Variants in MAST4 observed in about 807,000 individuals in gnomAD.
The protein encoded by MAST4 is microtubule-associated serine/threonine-protein kinase 4.
Under a neutral mutation model 162.7 loss-of-function variants are expected in MAST4, and 89 were observed. The observed-to-expected ratio is 0.55, with a 90% CI of 0.46 to 0.65. MAST4 has a LOEUF of 0.65. Among genes scored for constraint, MAST4 ranks in the 30% least tolerant of loss-of-function variants. MAST4 has a pLI of 0.00. For missense variants in MAST4, 3,153 were observed against 3,374.0 expected, an observed-to-expected ratio of 0.93 and a Z score of 1.62; for synonymous variants, 1,479 against 1,361.1, an observed-to-expected ratio of 1.09 and a Z score of -1.91.
intron 1 of MAST4, among the ~76,000 whole-genome samples, chr5:66,714,576 T>TG (rs1380497736): frequency 6.6e-6 from 1 of 152,236 alleles, no homozygotes; most frequent in African/African-American, 2.4e-5. Context: ...TGCTCATACT[T>TG]GGCGTTTCCT....
At chr5:66,869,527 A>G (rs1040360259) in intron 3 of MAST4, among the ~76,000 whole-genome samples, 8 of 152,196 alleles carry the variant, frequency 5.3e-5, no homozygotes, top group African/African-American at 1.9e-4. Context: ...TTACTAGGAA[A>G]AACATAATCC....
chr5:66,916,445 A>G (rs1179191990), intron 4 of MAST4, among the ~76,000 whole-genome samples: 1 of 152,246 alleles, frequency 6.6e-6, no homozygotes, highest in Non-Finnish European at 1.5e-5. Flanking sequence ...GTATAGAAAT[A>G]CTACTGTACT....
At chr5:66,653,456 C>T (rs1040969611) in intron 1 of MAST4, among the ~76,000 whole-genome samples, 5 of 152,190 alleles carry the variant, frequency 3.3e-5, no homozygotes, top group Middle Eastern at 3.2e-3. Flanking sequence ...GCCAGCATGA[C>T]ATTGCCTACT....
chr5:66,946,375 G>A (rs1219071414), intron 4 of MAST4, among the ~76,000 whole-genome samples: 1 of 152,126 alleles, frequency 6.6e-6, no homozygotes, highest in African/African-American at 2.4e-5. Context: ...AGATATTGAT[G>A]TTTGCCTAAA....
At chr5:66,784,600 G>T (rs1197884629) in intron 2 of MAST4, among the ~76,000 whole-genome samples, 1 of 151,950 alleles carries the variant, frequency 6.6e-6, no homozygotes, top group African/African-American at 2.4e-5. Flanking sequence ...TTCTGAATTT[G>T]CTGTTTATCA....
At chr5:67,043,692 C>T (rs1459356895) in intron 4 of MAST4, among the ~76,000 whole-genome samples, 1 of 152,180 alleles carries the variant, frequency 6.6e-6, no homozygotes, top group Non-Finnish European at 1.5e-5. Context: ...AATATACTTA[C>T]ATTGAGTACA....
intron 3 of MAST4, among the ~76,000 whole-genome samples, chr5:66,827,557 AAG>A (rs1390356473): frequency 6.6e-6 from 1 of 152,256 alleles, no homozygotes; most frequent in Non-Finnish European, 1.5e-5. Context: ...GACAGACAGA[AAG>A]AGATGGAAAA....
intron 1 of MAST4, among the ~76,000 whole-genome samples, chr5:66,604,409 G>A (rs1314790819): frequency 1.3e-5 from 2 of 152,192 alleles, no homozygotes; most frequent in African/African-American, 4.8e-5. Context: ...GCTTTGTAAT[G>A]ATACTGGGGA....
intron 1 of MAST4, among the ~76,000 whole-genome samples, chr5:66,629,686 A>G (rs1303466743): frequency 5.3e-5 from 8 of 152,188 alleles, no homozygotes; most frequent in Non-Finnish European, 1.0e-4. Context: ...TCGTCTGCCC[A>G]TGGCCTCTGG....
chr5:67,068,531 G>T (rs1188967541), intron 5 of MAST4, among the ~76,000 whole-genome samples: 3 of 152,094 alleles, frequency 2.0e-5, no homozygotes, highest in Non-Finnish European at 4.4e-5. Flanking sequence ...TTTCCCCTGG[G>T]TCCCTCCCAC....
intron 4 of MAST4, among the ~76,000 whole-genome samples, chr5:66,967,059 AC>A (rs1481066016): frequency 5.3e-5 from 8 of 152,180 alleles, no homozygotes; most frequent in African/African-American, 1.9e-4. Context: ...TCATGCTGTT[AC>A]CACAGAAAAA....
rs1764426744 is a variant in MAST4 at position 66,920,004 on chromosome 5, A to G, written c.674+20022A>G. Among the ~76,000 whole-genome samples the G allele has an allele frequency of 2.1e-5, 3 of 142,984 alleles. No homozygotes were observed. The South Asian group carries it at 6.5e-4, about 31-fold the overall frequency. The allele number at this position is 142,984 out of a possible 152,430, so 93.8% of individuals were successfully genotyped here. On this transcript the variant is annotated intron_variant, in intron 4 of 28. Coordinates refer to ENST00000403625, the MANE Select transcript of MAST4 (RefSeq NM_001164664.2). ...TCTCTCTCTCTCTCTCTCTCTTTCT[A>G]ATGAACAAGGATGCTTTTAATGATG...
rs1424152018 is a variant in MAST4 at position 66,680,657 on chromosome 5, G to T, written c.364-79052G>T. On this transcript the variant is annotated intron_variant, in intron 1 of 28. Transcript: ENST00000403625. ...GTGAACAGGGGCCATACTTCTGGGG[G>T]AGAGAAAAATAAAGCTCTTTGTGCT... Among the ~76,000 whole-genome samples, 3 of 152,192 alleles carry T rather than the reference G, an allele frequency of 2.0e-5. No homozygotes were observed. The East Asian group carries it at 5.8e-4, about 29-fold the overall frequency.
intron 1 of MAST4, among the ~76,000 whole-genome samples, chr5:66,749,414 A>T (rs962633087): frequency 6.6e-6 from 1 of 152,238 alleles, no homozygotes; most frequent in Admixed American, 6.5e-5. Context: ...GCTCTGGAAT[A>T]CAGGTATGAG....
intron 14 of MAST4, among the ~76,000 whole-genome samples, chr5:67,127,210 T>C (rs1768352566): frequency 6.6e-6 from 1 of 152,198 alleles, no homozygotes. Context: ...CTTTTCCTAA[T>C]TGAATACAAT....
chr5:67,049,042 C>CGT (rs1491171338), intron 4 of MAST4, among the ~76,000 whole-genome samples: 4 of 51,314 alleles, frequency 7.8e-5, no homozygotes, highest in African/African-American at 3.5e-4. Context: ...TATATATATA[C>CGT]GTGTATATAT....
chr5:66,620,820 T>C (rs1337246159), intron 1 of MAST4, among the ~76,000 whole-genome samples: 1 of 152,118 alleles, frequency 6.6e-6, no homozygotes, highest in Non-Finnish European at 1.5e-5. Flanking sequence ...TGATAACTCA[T>C]TTTGTTAGAA....
intron 6 of MAST4, among the ~76,000 whole-genome samples, chr5:67,091,105 G>A (rs1040539137): frequency 6.6e-6 from 1 of 152,040 alleles, no homozygotes; most frequent in South Asian, 2.1e-4. Context: ...GATTAAAGTA[G>A]GACTTAATAA....
At chr5:66,664,911 AAAG>A (rs1290171937) in intron 1 of MAST4, among the ~76,000 whole-genome samples, 6 of 152,210 alleles carry the variant, frequency 3.9e-5, no homozygotes, top group Non-Finnish European at 7.3e-5. Flanking sequence ...ACTCACCTGA[AAAG>A]AGAGTTAACT....
Sources: gnomAD v4.1 joint callset for allele counts (sites outside exome capture counted in the v4.1 genomes callset) on GRCh38, gnomAD v4.1.1 for gene constraint, MANE v1.5 for transcripts, NCBI Gene and HGNC (gene_info 2026-07-23, HGNC 2026-07-21) for gene names.